The following GRM5 variants were observed in gnomAD, a reference collection of about 807,000 sequenced individuals.
The protein encoded by GRM5 is glutamate metabotropic receptor 5, also known as metabotropic glutamate receptor 5.
A neutral mutation model predicts 83.1 loss-of-function variants in GRM5; 19 were observed. That is an observed-to-expected ratio of 0.23 (90% confidence interval 0.16 to 0.34). The LOEUF is 0.34. Ranked by LOEUF, GRM5 falls within the 10% of genes least tolerant of loss-of-function variation. GRM5 has a pLI of 1.00. For synonymous variants in GRM5, 675 were observed against 633.6 expected (o/e 1.07, Z -0.98); for missense variants, 1,160 against 1,588.3 (o/e 0.73, Z 4.58).
At chr11:88,746,986 ATTAT>A (rs1451310626) in intron 3 of GRM5, among the ~76,000 whole-genome samples, 2 of 152,152 alleles carry the variant, frequency 1.3e-5, no homozygotes, top group Non-Finnish European at 2.9e-5. Flanking sequence ...AATGTCATAT[ATTAT>A]TTTTTACTTT....
chr11:88,656,689 T>C (rs1939775003), intron 3 of GRM5, among the ~76,000 whole-genome samples: 1 of 152,140 alleles, frequency 6.6e-6, no homozygotes, highest in African/African-American at 2.4e-5. Context: ...AAGATGGCTG[T>C]AATATACATA....
At chr11:88,686,532 C>G (rs1339556159) in intron 3 of GRM5, among the ~76,000 whole-genome samples, 1 of 152,026 alleles carries the variant, frequency 6.6e-6, no homozygotes, top group Non-Finnish European at 1.5e-5. Context: ...TTGGAGGGGC[C>G]AGGGGCAGAA....
At chr11:89,062,898 G>A (rs1054048869) in intron 1 of GRM5, among the ~76,000 whole-genome samples, 3 of 152,252 alleles carry the variant, frequency 2.0e-5, no homozygotes, top group Non-Finnish European at 4.4e-5. Context: ...TGCCCCCGCC[G>A]TGGGATAACT....
intron 2 of GRM5, among the ~76,000 whole-genome samples, chr11:88,949,890 G>T (rs764659223): frequency 6.6e-6 from 1 of 151,898 alleles, no homozygotes; most frequent in Non-Finnish European, 1.5e-5. Context: ...TTTCAGGTGG[G>T]GTCTTGCTCT....
chr11:88,578,992 A>G lies in GRM5; in HGVS notation c.1691-11000T>C, dbSNP rs147982745. Among the ~76,000 whole-genome samples, 1,123 of 152,238 alleles carry G rather than the reference A, an allele frequency of 7.4e-3. 11 individuals are homozygous for G. Among genetic ancestry groups the G allele is most frequent in the African/African-American group, 0.026 (1,085 of 41,564 alleles). On this transcript the variant is annotated intron_variant, in intron 7 of 9. Coordinates refer to ENST00000305447, the MANE Select transcript of GRM5 (RefSeq NM_001143831.3). The stretch of plus-strand genomic sequence containing the variant: ...AAAGCACTAGTTTTACAGAAAGATG[A>G]AACAGGGTCTGAGCCTTACTCTCCT...
At chr11:88,558,905 C>T (rs1942692259) in intron 8 of GRM5, among the ~76,000 whole-genome samples, 1 of 150,014 alleles carries the variant, frequency 6.7e-6, no homozygotes, top group Non-Finnish European at 1.5e-5. Flanking sequence ...GTTTGTGGGA[C>T]TTCTTGGAGG....
At chr11:88,787,355 A>T (rs16914865) in intron 3 of GRM5, among the ~76,000 whole-genome samples, 17,157 of 152,014 alleles carry the variant, frequency 0.11, 2,123 homozygotes, top group African/African-American at 0.31. Context: ...ATATCACAAA[A>T]ATTAAAAAGG....
At chr11:88,928,981 A>C (rs1406236500) in intron 2 of GRM5, among the ~76,000 whole-genome samples, 1 of 151,754 alleles carries the variant, frequency 6.6e-6, no homozygotes, top group Non-Finnish European at 1.5e-5. Context: ...TGGCTGCTGA[A>C]TATGAGATTT....
rs143437585 is a variant in GRM5 at position 88,583,571 on chromosome 11, C to G, written c.1690+7030G>C. ...GAAAGACAGGCTATTTTTGCTCTTT[C>G]CTTTTACTTAGTTTATTGGAAGGTT... On this transcript the variant is annotated intron_variant, in intron 7 of 9. Transcript: ENST00000305447. Among the ~76,000 whole-genome samples the G allele has an allele frequency of 1.9e-3, 282 of 152,282 alleles. 11 individuals are homozygous for G. In the East Asian group the frequency reaches 0.045, roughly 25 times the overall value.
At chr11:88,708,986 T>C (rs938015126) in intron 3 of GRM5, among the ~76,000 whole-genome samples, 13 of 152,130 alleles carry the variant, frequency 8.5e-5, no homozygotes, top group Non-Finnish European at 1.0e-4. Flanking sequence ...TAATACCATA[T>C]TTAATCAGTT....
At chr11:88,997,088 GCTGAGGCAGGTAGATCAC>G (rs1940206497) in intron 2 of GRM5, among the ~76,000 whole-genome samples, 1 of 152,122 alleles carries the variant, frequency 6.6e-6, no homozygotes, top group Admixed American at 6.6e-5. Flanking sequence ...AGTTTGGGAG[GCTGAGGCAGGTAGATCAC>G]CTGAGGTCAG....
intron 3 of GRM5, among the ~76,000 whole-genome samples, chr11:88,840,153 T>C (rs1346959382): frequency 1.3e-5 from 2 of 152,136 alleles, no homozygotes; most frequent in African/African-American, 4.8e-5. Context: ...TTTTTGCCTT[T>C]TTTTTTCATT....
At chr11:88,971,209 A>C (rs1939154700) in intron 2 of GRM5, among the ~76,000 whole-genome samples, 1 of 152,212 alleles carries the variant, frequency 6.6e-6, no homozygotes, top group Non-Finnish European at 1.5e-5. Context: ...TTAAAATTAA[A>C]ATATAAAAAC....
Position 88,653,685 on chromosome 11 carries a change from A to G in GRM5, c.912-282T>C, listed in dbSNP as rs939093583. On this transcript the variant is annotated intron_variant, in intron 3 of 9. Coordinates refer to ENST00000305447, the MANE Select transcript of GRM5 (RefSeq NM_001143831.3). ...ATTCTGGCACAATTTTACTGGCTGC[A>G]AAATATAGTATATACATGGAAGCTG... 8.5e-5 allele frequency among the ~76,000 whole-genome samples: 13 copies of G among 152,206 alleles called. No individual in the cohort carries two copies. The South Asian group carries it at 2.5e-3, about 29-fold the overall frequency.
At chr11:88,716,128 G>T (rs1309171733) in intron 3 of GRM5, among the ~76,000 whole-genome samples, 3 of 152,104 alleles carry the variant, frequency 2.0e-5, no homozygotes, top group Non-Finnish European at 4.4e-5. Flanking sequence ...GTAAGGCAGA[G>T]ATTTTGTTCT....
chr11:88,780,059 A>C (rs1344651464), intron 3 of GRM5, among the ~76,000 whole-genome samples: 1 of 151,996 alleles, frequency 6.6e-6, no homozygotes, highest in Non-Finnish European at 1.5e-5. Flanking sequence ...TCAGATCTCA[A>C]CTCTTCTGCA....
chr11:88,552,972 A>C (rs1439758114), intron 8 of GRM5, among the ~76,000 whole-genome samples: 1 of 152,230 alleles, frequency 6.6e-6, no homozygotes, highest in African/African-American at 2.4e-5. Context: ...CCAAGACATC[A>C]GAAGTCTGCA....
intron 3 of GRM5, among the ~76,000 whole-genome samples, chr11:88,655,865 C>T (rs1007773454): frequency 6.6e-6 from 1 of 151,944 alleles, no homozygotes; most frequent in Non-Finnish European, 1.5e-5. Flanking sequence ...ATCTATGTGA[C>T]AAAACAGGGT....
intron 3 of GRM5, among the ~76,000 whole-genome samples, chr11:88,698,127 CTT>C (rs1483427206): frequency 1.3e-5 from 2 of 152,150 alleles, no homozygotes; most frequent in East Asian, 3.9e-4. Flanking sequence ...GCTAGGGAAA[CTT>C]TTAAAAATGC....
Sources: gnomAD v4.1 joint callset for allele counts (sites outside exome capture counted in the v4.1 genomes callset) on GRCh38, gnomAD v4.1.1 for gene constraint, MANE v1.5 for transcripts, NCBI Gene and HGNC (gene_info 2026-07-23, HGNC 2026-07-21) for gene names.